TMEM150C: variants seen among roughly 807,000 people sequenced by gnomAD.
The protein encoded by TMEM150C is tentonin 3.
In TMEM150C, 10 loss-of-function variants were observed where a neutral mutation model predicts 29.9. The ratio of observed to expected loss-of-function variants is 0.33; its 90% CI spans 0.21 to 0.57. The LOEUF (loss-of-function observed/expected upper bound fraction) is 0.57. Ranked by LOEUF, TMEM150C falls within the 20% of genes least tolerant of loss-of-function variation. The pLI is 0.88. For synonymous variants in TMEM150C, 101 were observed against 112.5 expected (o/e 0.90, Z 0.64); for missense variants, 251 against 303.6 (o/e 0.83, Z 1.29).
rs1299283573 is a variant in TMEM150C at position 82,540,130 on chromosome 4, T to C, written c.-11+21776A>G. On this transcript the variant is annotated intron_variant, in intron 1 of 7. Transcript: ENST00000449862. ...CTACCTATTCTTTTTTTTTTTTTTT[T>C]TTTTTTTTTTTTTTTTTTTTTTTGA... is the stretch of plus-strand genomic sequence containing the variant. 3.1e-3 allele frequency among the ~76,000 whole-genome samples: 337 copies of C among 110,054 alleles called. 15 individuals carry two copies. Among genetic ancestry groups the C allele is most frequent in the African/African-American group, 7.5e-3 (187 of 25,022 alleles). 72.2% of individuals were successfully genotyped at this position (110,054 alleles called of 152,430 possible).
intron 1 of TMEM150C, among the ~76,000 whole-genome samples, chr4:82,536,161 C>T (rs1359159634): frequency 1.3e-5 from 2 of 151,942 alleles, no homozygotes; most frequent in Admixed American, 1.3e-4. Flanking sequence ...GAGATCGAGA[C>T]CATCTGGCCA....
chr4:82,552,335 G>T (rs1339566648), intron 1 of TMEM150C, among the ~76,000 whole-genome samples: 1 of 152,198 alleles, frequency 6.6e-6, no homozygotes, highest in Non-Finnish European at 1.5e-5. Context: ...TGTGTGAGTT[G>T]GAAGATCCTG....
chr4:82,529,254 C>CCTCCCTCT, intron 1 of TMEM150C, among the ~76,000 whole-genome samples: 1 of 148,202 alleles, frequency 6.7e-6, no homozygotes, highest in South Asian at 2.2e-4. Context: ...TCCCTCCCTC[C>CCTCCCTCT]CTCCCTCTCT....
chr4:82,492,451 T>TA (rs1723387478), intron 6 of TMEM150C, among the ~76,000 whole-genome samples: 1 of 152,016 alleles, frequency 6.6e-6, no homozygotes, highest in South Asian at 2.1e-4. Context: ...AATGAGAATT[T>TA]TTTTAGTTTT....
intron 1 of TMEM150C, among the ~76,000 whole-genome samples, chr4:82,522,227 T>C (rs1724510876): frequency 6.6e-6 from 1 of 152,150 alleles, no homozygotes; most frequent in African/African-American, 2.4e-5. Context: ...AATGGTAAGA[T>C]TGAGTGTGGC....
chr4:82,532,474 A>C (rs1724877801), intron 1 of TMEM150C, among the ~76,000 whole-genome samples: 1 of 152,242 alleles, frequency 6.6e-6, no homozygotes, highest in African/African-American at 2.4e-5. Context: ...GCTTTTTAAG[A>C]CAGCAAAATT....
At chr4:82,503,033 A>T (rs1723787145) in intron 3 of TMEM150C, 26 bp downstream of exon 3, 1 of 1,610,524 alleles carries the variant, frequency 6.2e-7, no homozygotes, top group Non-Finnish European at 8.5e-7. Flanking sequence ...TTGATGAACA[A>T]CGAATTACCC....
At chr4:82,490,949 A>C (rs1400197776) in intron 6 of TMEM150C, 1 of 727,182 alleles carries the variant, frequency 1.4e-6, no homozygotes, top group African/African-American at 1.7e-5. Context: ...TGTTTTTGTA[A>C]TTGGTCCTGA....
chr4:82,504,977 C>T (rs1723866795), intron 1 of TMEM150C, among the ~76,000 whole-genome samples: 1 of 152,124 alleles, frequency 6.6e-6, no homozygotes, highest in African/African-American at 2.4e-5. Context: ...TTGCAGTGAG[C>T]CGAGATCGCG....
intron 7 of TMEM150C, among the ~76,000 whole-genome samples, chr4:82,486,363 A>G (rs13148462): frequency 1.3e-5 from 2 of 148,872 alleles, no homozygotes; most frequent in African/African-American, 5.0e-5. Flanking sequence ...AAAAAAAAAA[A>G]GAAGAAAGCA....
At chr4:82,494,177 CAAG>C (rs756321069) in intron 6 of TMEM150C, among the ~76,000 whole-genome samples, 1 of 152,108 alleles carries the variant, frequency 6.6e-6, no homozygotes, top group Non-Finnish European at 1.5e-5. Context: ...TGTTTGCCCT[CAAG>C]GAGGAAGTTT....
At chr4:82,526,169 T>G (rs1724646302) in intron 1 of TMEM150C, among the ~76,000 whole-genome samples, 1 of 152,208 alleles carries the variant, frequency 6.6e-6, no homozygotes, top group African/African-American at 2.4e-5. Flanking sequence ...CCTCCCAAAG[T>G]GCTGGGATCA....
chr4:82,559,390 CAA>C (rs55656515), intron 1 of TMEM150C, among the ~76,000 whole-genome samples: 5 of 131,048 alleles, frequency 3.8e-5, no homozygotes, highest in Non-Finnish European at 1.7e-5. Flanking sequence ...ACTAAAAATA[CAA>C]AAAAAAAAAA....
At chr4:82,556,872 T>C (rs562945791) in intron 1 of TMEM150C, among the ~76,000 whole-genome samples, 1 of 152,216 alleles carries the variant, frequency 6.6e-6, no homozygotes, top group East Asian at 1.9e-4. Flanking sequence ...GGGGTGTTAA[T>C]ATCTTCAACA....
At chr4:82,502,676 T>C (rs1365242467) in intron 5 of TMEM150C, 51 bp downstream of exon 5, 13 of 1,537,948 alleles carry the variant, frequency 8.5e-6, no homozygotes, top group Non-Finnish European at 9.7e-6. Context: ...GAATTTAAAA[T>C]ACAAAAGAAA....
intron 1 of TMEM150C, among the ~76,000 whole-genome samples, chr4:82,557,658 GT>G (rs1439080639): frequency 6.6e-6 from 1 of 151,752 alleles, no homozygotes; most frequent in African/African-American, 2.4e-5. Context: ...AAGAGAAACA[GT>G]TTTTAGAGTA....
chr4:82,520,917 C>T (rs1002873138), intron 1 of TMEM150C, among the ~76,000 whole-genome samples: 15 of 152,204 alleles, frequency 9.9e-5, no homozygotes, highest in Admixed American at 9.8e-4. Flanking sequence ...TGGCTAAGCC[C>T]CTACCTCAGA....
At chr4:82,536,411 T>C (rs552871869) in intron 1 of TMEM150C, among the ~76,000 whole-genome samples, 2 of 149,518 alleles carry the variant, frequency 1.3e-5, no homozygotes, top group African/African-American at 4.9e-5. Flanking sequence ...GGAACATCAA[T>C]TTTTAAACGG....
At chr4:82,543,552 A>T (rs1725261839) in intron 1 of TMEM150C, among the ~76,000 whole-genome samples, 1 of 152,156 alleles carries the variant, frequency 6.6e-6, no homozygotes, top group African/African-American at 2.4e-5. Context: ...CAATATAAAA[A>T]CCAGAACTAA....
Sources: gnomAD v4.1 joint callset for allele counts (sites outside exome capture counted in the v4.1 genomes callset) on GRCh38, gnomAD v4.1.1 for gene constraint, MANE v1.5 for transcripts, NCBI Gene and HGNC (gene_info 2026-07-23, HGNC 2026-07-21) for gene names.